FBXL7: variants seen among roughly 807,000 people sequenced by gnomAD.
The protein encoded by FBXL7 is F-box/LRR-repeat protein 7.
Under a neutral mutation model 38.3 loss-of-function variants are expected in FBXL7, and 12 were observed. The ratio of observed to expected loss-of-function variants is 0.31; its 90% CI spans 0.20 to 0.51. The LOEUF (loss-of-function observed/expected upper bound fraction) is 0.51, where lower values mean the gene tolerates loss of function less well. Ranked by LOEUF, FBXL7 falls within the 20% of genes least tolerant of loss-of-function variation. The pLI, the probability that FBXL7 is intolerant of heterozygous loss-of-function variation, is 0.98. For synonymous variants in FBXL7, 297 were observed against 300.9 expected (o/e 0.99, Z 0.13); for missense variants, 567 against 676.4 (o/e 0.84, Z 1.79).
intron 1 of FBXL7, among the ~76,000 whole-genome samples, chr5:15,541,443 G>GTGTGTATATATATATATA (rs1264820921): frequency 2.6e-5 from 1 of 38,426 alleles, no homozygotes; most frequent in Non-Finnish European, 4.8e-5. Context: ...GTGTGTGTGT[G>GTGTGTATATATATATATA]TATATATATA....
chr5:15,555,784 G>GAGATAGATAAATAGATAGATAGATAGAT (rs369000608), intron 1 of FBXL7, among the ~76,000 whole-genome samples: 3 of 139,692 alleles, frequency 2.1e-5, no homozygotes, highest in African/African-American at 8.0e-5. Flanking sequence ...AAGGGTAGAT[G>GAGATAGATAAATAGATAGATAGATAGAT]AGATAGATAG....
intron 2 of FBXL7, among the ~76,000 whole-genome samples, chr5:15,637,789 A>G (rs1741232473): frequency 6.6e-6 from 1 of 152,150 alleles, no homozygotes; most frequent in Non-Finnish European, 1.5e-5. Context: ...CATTCTCTGG[A>G]CTCCATTCTT....
At chr5:15,769,887 A>G (rs187735246) in intron 2 of FBXL7, among the ~76,000 whole-genome samples, 85 of 152,348 alleles carry the variant, frequency 5.6e-4, no homozygotes, top group Non-Finnish European at 9.8e-4. Flanking sequence ...GCCGAAGGGT[A>G]TGTGAGACCC....
At chr5:15,641,232 C>A (rs1023454239) in intron 2 of FBXL7, among the ~76,000 whole-genome samples, 4 of 152,178 alleles carry the variant, frequency 2.6e-5, no homozygotes, top group African/African-American at 9.7e-5. Context: ...CCACCTAAAC[C>A]TTTCCATGAG....
At chr5:15,823,585 G>A (rs971414065) in intron 2 of FBXL7, among the ~76,000 whole-genome samples, 17 of 152,206 alleles carry the variant, frequency 1.1e-4, no homozygotes, top group African/African-American at 3.4e-4. Context: ...ATTACTTGGA[G>A]GCTTCCCAGG....
intron 2 of FBXL7, among the ~76,000 whole-genome samples, chr5:15,701,759 G>GT (rs879518084): frequency 7.2e-5 from 11 of 152,222 alleles, no homozygotes; most frequent in African/African-American, 2.2e-4. Context: ...ATGGAATGAG[G>GT]TTTTTTATCT....
chr5:15,755,559 T>TCG (rs2126691401), intron 2 of FBXL7, among the ~76,000 whole-genome samples: 1 of 152,298 alleles, frequency 6.6e-6, no homozygotes, highest in East Asian at 1.9e-4. Context: ...AACAATTATA[T>TCG]CGCAGTCTGC....
At chr5:15,669,894 A>T (rs1742409817) in intron 2 of FBXL7, among the ~76,000 whole-genome samples, 1 of 152,214 alleles carries the variant, frequency 6.6e-6, no homozygotes, top group Non-Finnish European at 1.5e-5. Flanking sequence ...CACTGATGTC[A>T]GACTCCTTCA....
intron 3 of FBXL7, among the ~76,000 whole-genome samples, chr5:15,934,008 TTA>T (rs960876423): frequency 2.1e-4 from 29 of 140,870 alleles, no homozygotes; most frequent in African/African-American, 8.6e-4. Flanking sequence ...GTTTTTGTCT[TTA>T]TTTATCTATT....
At position 15,844,783 on chromosome 5, in the gene FBXL7, C is replaced by T. The variant is rs985964335; in HGVS notation, c.128-83107C>T. On this transcript the variant is annotated intron_variant, in intron 2 of 3. Coordinates refer to ENST00000504595, the MANE Select transcript of FBXL7 (RefSeq NM_012304.5). ...AGGAAGCCAAGGCAGGTGTGCTTGA[C>T]AGGGAACCCATGCTTCCACAGAAAA... Among the ~76,000 whole-genome samples, 3 of 152,046 alleles carry T rather than the reference C, an allele frequency of 2.0e-5. No individual in the cohort carries two copies. The East Asian group carries it at 5.8e-4, about 29-fold the overall frequency.
rs969681824 is a variant in FBXL7, at chr5:15,660,785, A to G, written c.127+44713A>G. Among the ~76,000 whole-genome samples, 40 of 152,316 alleles carry G rather than the reference A, an allele frequency of 2.6e-4. 1 individual carries two copies. Among genetic ancestry groups the G allele is most frequent in the Middle Eastern group, 3.4e-3 (1 of 292 alleles). ...ACTACCTACATATTAGCATGAGGTT[A>G]TATTTATGACATAGCCAAGGTGGGC... On this transcript the variant is annotated intron_variant, in intron 2 of 3. Coordinates refer to ENST00000504595, the MANE Select transcript of FBXL7 (RefSeq NM_012304.5).
intron 2 of FBXL7, among the ~76,000 whole-genome samples, chr5:15,629,523 A>C (rs1041152884): frequency 4.6e-5 from 7 of 152,198 alleles, no homozygotes; most frequent in Admixed American, 2.0e-4. Flanking sequence ...CATATAACTT[A>C]TATGGGGTCT....
intron 1 of FBXL7, among the ~76,000 whole-genome samples, chr5:15,614,780 T>G (rs924665030): frequency 1.3e-5 from 2 of 152,176 alleles, no homozygotes; most frequent in African/African-American, 4.8e-5. Context: ...GCTCACTTGG[T>G]TGTTGGCAGA....
chr5:15,931,682 C>A (rs1284021054), intron 3 of FBXL7, among the ~76,000 whole-genome samples: 1 of 152,234 alleles, frequency 6.6e-6, no homozygotes. Context: ...GTGCAAATTT[C>A]ATCTCTTTCC....
intron 1 of FBXL7, among the ~76,000 whole-genome samples, chr5:15,604,393 T>C (rs1050868941): frequency 6.6e-6 from 1 of 152,194 alleles, no homozygotes; most frequent in Non-Finnish European, 1.5e-5. Context: ...CCTGCCCTGT[T>C]GCTCAGGCTG....
At chr5:15,662,268 A>G (rs973162133) in intron 2 of FBXL7, among the ~76,000 whole-genome samples, 1 of 151,970 alleles carries the variant, frequency 6.6e-6, no homozygotes, top group Non-Finnish European at 1.5e-5. Context: ...CTTTTTGTCT[A>G]TGTGTTTATC....
At chr5:15,771,510 C>T (rs898379380) in intron 2 of FBXL7, among the ~76,000 whole-genome samples, 1 of 152,088 alleles carries the variant, frequency 6.6e-6, no homozygotes, top group Non-Finnish European at 1.5e-5. Flanking sequence ...TCATCAGTAC[C>T]TTGGAGTTTA....
chr5:15,535,971 C>T (rs759500659), intron 1 of FBXL7, among the ~76,000 whole-genome samples: 29 of 152,246 alleles, frequency 1.9e-4, no homozygotes, highest in African/African-American at 3.4e-4. Context: ...CTGTGGGCTG[C>T]GCCCAGGGCC....
chr5:15,604,039 G>A (rs993937307), intron 1 of FBXL7, among the ~76,000 whole-genome samples: 2 of 152,296 alleles, frequency 1.3e-5, no homozygotes, highest in South Asian at 2.1e-4. Context: ...AGGAGGATGA[G>A]GCACAAGAAG....
Sources: allele counts gnomAD v4.1 joint callset (sites outside exome capture counted in the v4.1 genomes callset), GRCh38; gene constraint gnomAD v4.1.1; transcripts MANE v1.5; gene names NCBI Gene and HGNC (gene_info 2026-07-23, HGNC 2026-07-21).